Variants in SLC37A3 observed in about 807,000 individuals in gnomAD.
The protein encoded by SLC37A3 is sugar phosphate exchanger 3.
Under a neutral mutation model 67.1 loss-of-function variants are expected in SLC37A3, and 51 were observed. The ratio of observed to expected loss-of-function variants is 0.76; its 90% CI spans 0.61 to 0.96. The LOEUF is 0.96. Among genes scored for constraint, SLC37A3 ranks in the 40% least tolerant of loss-of-function variants. SLC37A3 has a pLI of 0.00. For missense variants in SLC37A3, 508 were observed against 603.0 expected, an observed-to-expected ratio of 0.84 and a Z score of 1.65; for synonymous variants, 214 against 231.4, an observed-to-expected ratio of 0.92 and a Z score of 0.68.
chr7:140,387,393 C>G (rs146546573), intron 1 of SLC37A3, among the ~76,000 whole-genome samples: 9,624 of 151,392 alleles, frequency 0.064, 716 homozygotes, highest in East Asian at 0.2. Flanking sequence ...GCAGGTGGAT[C>G]ACTTGAGGTC....
chr7:140,372,985 C>T (rs1034731184), intron 3 of SLC37A3, among the ~76,000 whole-genome samples: 2 of 152,016 alleles, frequency 1.3e-5, no homozygotes, highest in African/African-American at 4.8e-5. Flanking sequence ...AGAGCCTCAC[C>T]CTGTTGCCCA....
At chr7:140,352,534 T>G (rs1156452164) in intron 7 of SLC37A3, among the ~76,000 whole-genome samples, 1 of 152,082 alleles carries the variant, frequency 6.6e-6, no homozygotes, top group Non-Finnish European at 1.5e-5. Flanking sequence ...GAAACAATAT[T>G]ATAAAGCACC....
chr7:140,361,174 G>C (rs1797253579), intron 5 of SLC37A3, among the ~76,000 whole-genome samples: 1 of 143,628 alleles, frequency 7.0e-6, no homozygotes, highest in Non-Finnish European at 1.6e-5. Context: ...AGAAACAAAA[G>C]CACCGAGATA....
intron 1 of SLC37A3, among the ~76,000 whole-genome samples, chr7:140,390,120 G>A (rs1798666987): frequency 6.6e-6 from 1 of 152,048 alleles, no homozygotes; most frequent in South Asian, 2.1e-4. Flanking sequence ...AAACCCAACT[G>A]TCTCGTATTA....
chr7:140,395,379 T>TAAAAA (rs35674101), intron 1 of SLC37A3, among the ~76,000 whole-genome samples: 57 of 77,760 alleles, frequency 7.3e-4, no homozygotes, highest in African/African-American at 7.9e-4. Context: ...CATCTCAAAT[T>TAAAAA]AAAAAAAAAA....
intron 1 of SLC37A3, among the ~76,000 whole-genome samples, chr7:140,385,174 AATTAT>A (rs1798403182): frequency 6.6e-6 from 1 of 152,184 alleles, no homozygotes; most frequent in Admixed American, 6.6e-5. Context: ...ATATTCAGAT[AATTAT>A]ATTAGCCACT....
chr7:140,372,951 T>C (rs1305400159), intron 3 of SLC37A3, among the ~76,000 whole-genome samples: 1 of 151,898 alleles, frequency 6.6e-6, no homozygotes, highest in Non-Finnish European at 1.5e-5. Flanking sequence ...TTGAGTACAA[T>C]AATTTTTCTT....
chr7:140,363,417 CAT>C, intron 5 of SLC37A3, among the ~76,000 whole-genome samples: 1 of 87,078 alleles, frequency 1.1e-5, no homozygotes, highest in African/African-American at 4.4e-5. Context: ...CTCTCTGAAA[CAT>C]GTGCTGTGTC....
intron 5 of SLC37A3, among the ~76,000 whole-genome samples, chr7:140,364,123 T>C (rs1797499735): frequency 6.6e-6 from 1 of 152,008 alleles, no homozygotes; most frequent in Admixed American, 6.6e-5. Flanking sequence ...TGGTGAGCTG[T>C]ACCTATAGTC....
intron 3 of SLC37A3, among the ~76,000 whole-genome samples, chr7:140,377,613 T>G (rs956867613): frequency 6.6e-6 from 1 of 152,236 alleles, no homozygotes; most frequent in African/African-American, 2.4e-5. Context: ...TGAACTCTTT[T>G]TGTAAAACAC....
chr7:140,375,268 A>C (rs1362802367), intron 3 of SLC37A3, among the ~76,000 whole-genome samples: 3 of 151,982 alleles, frequency 2.0e-5, no homozygotes, highest in Non-Finnish European at 2.9e-5. Context: ...CAGGAGTTCA[A>C]GTTCGAGACC....
chr7:140,338,829 G>A (rs891496991), intron 13 of SLC37A3, among the ~76,000 whole-genome samples: 2 of 151,710 alleles, frequency 1.3e-5, no homozygotes, highest in East Asian at 1.9e-4. Flanking sequence ...ACAGTGGTGC[G>A]ATCTTGGCTC....
chr7:140,371,550 C>A (rs1292198216), intron 3 of SLC37A3, among the ~76,000 whole-genome samples: 1 of 152,114 alleles, frequency 6.6e-6, no homozygotes, highest in Non-Finnish European at 1.5e-5. Flanking sequence ...GTGTTTAAAT[C>A]CAGTTTTTAA....
intron 7 of SLC37A3, 60 bp from the exon 8 acceptor site, chr7:140,352,206 T>A (rs1270413414): frequency 9.4e-6 from 12 of 1,270,224 alleles, no homozygotes; most frequent in Non-Finnish European, 1.3e-5. Flanking sequence ...CACAAGCACA[T>A]TCATTAAAGG....
chr7:140,350,244 C>T lies in SLC37A3; in HGVS notation c.882+1029G>A, dbSNP rs140517305. On this transcript the variant is annotated intron_variant, in intron 9 of 14. Transcript: ENST00000326232. Reference sequence around the variant, plus strand: ...GGAACTGAGACACACGGACGGGTTGCGTGACTCACCCCAGGTGTCACAGAA... The same window carrying T: ...GGAACTGAGACACACGGACGGGTTGTGTGACTCACCCCAGGTGTCACAGAA... Among the ~76,000 whole-genome samples the T allele has an allele frequency of 2.1e-3, 317 of 152,196 alleles. 1 individual carries two copies. The highest frequency in any genetic ancestry group is 7.0e-3 in the African/African-American group (290 of 41,518).
At chr7:140,388,325 C>T (rs914880554) in intron 1 of SLC37A3, among the ~76,000 whole-genome samples, 6 of 151,246 alleles carry the variant, frequency 4.0e-5, no homozygotes, top group Admixed American at 3.3e-4. Flanking sequence ...CCCAGCTACT[C>T]AGGAGGCTGA....
At chr7:140,361,513 C>CTCCCCT (rs1797281829) in intron 5 of SLC37A3, among the ~76,000 whole-genome samples, 1 of 82,472 alleles carries the variant, frequency 1.2e-5, no homozygotes, top group African/African-American at 5.7e-5. Flanking sequence ...CCCCCTCCCC[C>CTCCCCT]TCCCCCTCCC....
chr7:140,364,557 T>C, intron 4 of SLC37A3, 66 bp from the exon 5 acceptor site: 1 of 1,417,928 alleles, frequency 7.1e-7, no homozygotes. Context: ...TAACATGCAC[T>C]GCAAAGCAAA....
chr7:140,351,081 A>G (rs1796774749), intron 9 of SLC37A3, among the ~76,000 whole-genome samples, 192 bp downstream of exon 9: 2 of 152,182 alleles, frequency 1.3e-5, no homozygotes. Context: ...CTCTTCATGG[A>G]AAAGGTTTGT....
Sources: gnomAD v4.1 joint callset for allele counts (sites outside exome capture counted in the v4.1 genomes callset) on GRCh38, gnomAD v4.1.1 for gene constraint, MANE v1.5 for transcripts, NCBI Gene and HGNC (gene_info 2026-07-23, HGNC 2026-07-21) for gene names.